The following SCUBE2 variants were observed in gnomAD, a reference collection of about 807,000 sequenced individuals.
The protein encoded by SCUBE2 is signal peptide, CUB domain and EGF like domain containing 2, also known as signal peptide, CUB and EGF-like domain-containing protein 2.
SCUBE2 carries 114 observed loss-of-function variants against 125.9 expected under a neutral mutation model. The observed-to-expected ratio is 0.91, with a 90% CI of 0.78 to 1.06. The LOEUF (loss-of-function observed/expected upper bound fraction) is 1.06, where lower values mean the gene tolerates loss of function less well. Ranked by LOEUF, SCUBE2 falls within the 50% of genes least tolerant of loss-of-function variation. SCUBE2 has a pLI of 0.00. For synonymous variants in SCUBE2, 459 were observed against 492.9 expected (o/e 0.93, Z 0.91); for missense variants, 1,255 against 1,301.8 (o/e 0.96, Z 0.55).
intron 7 of SCUBE2, 107 bp downstream of exon 7, chr11:9,065,784 C>T (rs1442144611): frequency 2.3e-6 from 2 of 884,252 alleles, no homozygotes; most frequent in Non-Finnish European, 3.7e-6. Flanking sequence ...TCACCCCAGT[C>T]CAGCTGGTCT....
At chr11:9,062,667 T>A (rs578077188) in intron 7 of SCUBE2, among the ~76,000 whole-genome samples, 1 of 151,686 alleles carries the variant, frequency 6.6e-6, no homozygotes, top group Non-Finnish European at 1.5e-5. Context: ...AAGAAAAGCA[T>A]CCATGAAATA....
intron 19 of SCUBE2, among the ~76,000 whole-genome samples, chr11:9,028,178 G>A (rs564344608): frequency 6.6e-6 from 1 of 151,622 alleles, no homozygotes; most frequent in Non-Finnish European, 1.5e-5. Context: ...GGGACCATAT[G>A]CAAGTGCCAT....
chr11:9,059,747 G>A (rs1859472544), intron 8 of SCUBE2: 2 of 293,218 alleles, frequency 6.8e-6, no homozygotes, highest in Non-Finnish European at 6.4e-6. Context: ...AAGGTAAGAT[G>A]GGTCTCTTTA....
intron 20 of SCUBE2, 44 bp from the exon 21 acceptor site, chr11:9,025,898 C>T (rs1855709674): frequency 6.3e-7 from 1 of 1,592,452 alleles, no homozygotes; most frequent in Admixed American, 1.7e-5. Flanking sequence ...AGACTCATCA[C>T]TGATCAGGCA....
chr11:9,030,970 C>T, intron 17 of SCUBE2, 45 bp from the exon 18 acceptor site: 2 of 1,562,252 alleles, frequency 1.3e-6, no homozygotes, highest in East Asian at 4.6e-5. Context: ...TCCAGGCAGA[C>T]CCTTGCTCCC....
intron 20 of SCUBE2, 144 bp from the exon 21 acceptor site, chr11:9,025,998 A>G: frequency 1.2e-6 from 1 of 816,126 alleles, no homozygotes; most frequent in Non-Finnish European, 1.9e-6. Context: ...ATCATAAGTC[A>G]AAGGTCCTGG....
intron 4 of SCUBE2, among the ~76,000 whole-genome samples, chr11:9,074,023 C>T (rs948794607): frequency 7.9e-5 from 12 of 152,124 alleles, no homozygotes; most frequent in African/African-American, 2.2e-4. Context: ...ATGGAAGGGC[C>T]GGATCTAGCT....
chr11:9,032,157 T>C (rs901895243), intron 17 of SCUBE2, among the ~76,000 whole-genome samples: 1 of 152,108 alleles, frequency 6.6e-6, no homozygotes, highest in African/African-American at 2.4e-5. Flanking sequence ...GGGTCTCTGT[T>C]GCCTAGGCTG....
intron 3 of SCUBE2, among the ~76,000 whole-genome samples, chr11:9,077,045 C>T (rs139889636): frequency 6.6e-6 from 1 of 152,296 alleles, no homozygotes; most frequent in Non-Finnish European, 1.5e-5. Flanking sequence ...ATTTCTTTTC[C>T]CCAAGGCAAT....
Position 9,042,163 on chromosome 11 carries a change from T to G in SCUBE2, c.2002+5193A>C, listed in dbSNP as rs147339815. Among the ~76,000 whole-genome samples the G allele has an allele frequency of 1.2e-4, 19 of 152,152 alleles. No homozygotes were observed. The East Asian group carries it at 3.3e-3, about 26-fold the overall frequency. ...GCACTTCTCTCCCTGGCCTCTGGCT[T>G]TACTCCTCTTACAGAAGCATCTCTA... is the stretch of plus-strand genomic sequence containing the variant. On this transcript the variant is annotated intron_variant, in intron 16 of 22. Coordinates refer to ENST00000649792, the MANE Select transcript of SCUBE2 (RefSeq NM_001367977.2).
intron 9 of SCUBE2, among the ~76,000 whole-genome samples, chr11:9,056,380 C>T (rs755231528): frequency 1.2e-4 from 19 of 152,188 alleles, no homozygotes; most frequent in Non-Finnish European, 2.4e-4. Flanking sequence ...CCATCCCTTT[C>T]TTATTTTCTC....
intron 5 of SCUBE2, among the ~76,000 whole-genome samples, chr11:9,067,956 C>T (rs1037524521): frequency 8.9e-5 from 13 of 145,896 alleles, no homozygotes; most frequent in Admixed American, 6.4e-4. Flanking sequence ...GTCTTCCTTC[C>T]GAAGATCTGG....
At chr11:9,069,212 G>T (rs1860538069) in intron 5 of SCUBE2, among the ~76,000 whole-genome samples, 158 bp downstream of exon 5, 1 of 152,192 alleles carries the variant, frequency 6.6e-6, no homozygotes, top group Non-Finnish European at 1.5e-5. Context: ...CCACCCTTCT[G>T]CAGTGAACAA....
Position 9,091,560 on chromosome 11 carries a change from G to C in SCUBE2, c.-32C>G. ...CTCAGCGGTTGCGGGCAGAGGCGGC[G>C]GAGTGCGGGCGGTGGCGGCGGCGGC... On this transcript the variant is annotated 5_prime_UTR_variant, in exon 1 of 23. Transcript: ENST00000649792. This position sits in a 1 kb window ranked among gnomAD's most constrained non-coding sequence, Gnocchi z 8.5. 1 of 513,962 alleles carries C rather than the reference G, an allele frequency of 1.9e-6. No individual in the cohort carries two copies. Among genetic ancestry groups the C allele is most frequent in the Non-Finnish European group, 2.8e-6 (1 of 353,240 alleles). The allele number at this position is 513,962 out of a possible 1,614,324, so 31.8% of individuals were successfully genotyped here.
Position 9,065,890 on chromosome 11 carries a change from C to A in SCUBE2, c.850+1G>T. 1 of 1,613,700 alleles carries A rather than the reference C, an allele frequency of 6.2e-7. No individual in the cohort carries two copies. The highest frequency in any genetic ancestry group is 8.5e-7 in the Non-Finnish European group (1 of 1,179,588). On this transcript the variant is annotated splice_donor_variant, in intron 7 of 22. Coordinates refer to ENST00000649792, the MANE Select transcript of SCUBE2 (RefSeq NM_001367977.2). LOFTEE classifies it high-confidence loss of function. ...CAAGGAAAGGGAGTGAAGGTGCCTACCCATGAGCAGCCGCCGTTTCACCCG... is the reference window on the plus strand; with the variant it reads ...CAAGGAAAGGGAGTGAAGGTGCCTAACCATGAGCAGCCGCCGTTTCACCCG...
chr11:9,084,815 C>G (rs1244915958), intron 2 of SCUBE2, among the ~76,000 whole-genome samples: 1 of 152,208 alleles, frequency 6.6e-6, no homozygotes, highest in Non-Finnish European at 1.5e-5. Context: ...GCCATCATAG[C>G]TCACTGCAAA....
chr11:9,055,736 C>T, intron 10 of SCUBE2, 57 bp downstream of exon 10: 3 of 1,390,162 alleles, frequency 2.2e-6, no homozygotes, highest in East Asian at 2.3e-5. Context: ...GTAGGCCCTG[C>T]TCCCCTCCAG....
chr11:9,029,982 C>A lies in SCUBE2; in HGVS notation c.2405G>T (p.Gly802Val), dbSNP rs759643127. ...TTHRCIRCPVGTYQPEFGKNN... is the reference protein window; with the variant it reads ...TTHRCIRCPVVTYQPEFGKNN... ...TTTTCCAAATTCAGGCTGGTATGTTCCCACTGGGCAACGAATACATCGGTG... is the reference window on the plus strand; with the variant it reads ...TTTTCCAAATTCAGGCTGGTATGTTACCACTGGGCAACGAATACATCGGTG... Residue 802 changes from glycine (G) to valine (V), a missense_variant, in exon 19 of 23, where the codon GGA (glycine) becomes GTA (valine). Gly to Val is a moderately radical substitution (Grantham distance 109, BLOSUM62 -3). This residue lies in a region of SCUBE2 where 515 missense variants were observed against 515.7 expected (regional missense o/e 1.00). Transcript: ENST00000649792. 6.2e-7 allele frequency: 1 copy of A among 1,614,136 alleles called. No homozygotes were observed. Among genetic ancestry groups the A allele is most frequent in the East Asian group, 2.2e-5 (1 of 44,880 alleles).
rs1221151224 is a variant in SCUBE2 at position 9,091,438 on chromosome 11, C to T, written c.91G>A (p.Ala31Thr). The change falls in exon 1 of 23, where the codon GCC becomes ACC. Residue 31 changes from alanine (A) to threonine (T), a missense_variant. Ala to Thr is a moderately conservative substitution (Grantham distance 58). Transcript: ENST00000649792. The surrounding 1 kb of genome is among the most constrained non-coding windows in gnomAD (Gnocchi z 8.5). ...GCACGGCCCCGACCCGGCGGGACGG[C>T]CCCCGCCAGCAGCAGCAGTGGCGGC... ...LLPPLLLLAG[A>T]VPPGRGRAAG... is the part of the protein sequence containing the mutation. The T allele has an allele frequency of 2.2e-5, 30 of 1,334,952 alleles. No homozygotes were observed. Among genetic ancestry groups the T allele is most frequent in the South Asian group, 3.7e-5 (2 of 53,868 alleles). 82.7% of individuals were successfully genotyped at this position (1,334,952 alleles called of 1,614,324 possible).
Sources: gnomAD v4.1 joint callset for allele counts (sites outside exome capture counted in the v4.1 genomes callset) on GRCh38, gnomAD v4.1.1 for gene constraint, gnomAD v4.1.1 regional missense constraint, Gnocchi (gnomAD v3.1) non-coding constraint, MANE v1.5 for transcripts, NCBI Gene and HGNC (gene_info 2026-07-23, HGNC 2026-07-21) for gene names.